The following NLRP12 variants were observed in gnomAD, a reference collection of about 807,000 sequenced individuals.
NLRP12 encodes the protein NACHT, LRR and PYD domains-containing protein 12.
In NLRP12, 108 loss-of-function variants were observed where a neutral mutation model predicts 91.2. That is an observed-to-expected ratio of 1.18 (90% confidence interval 1.01 to 1.39). NLRP12 has a LOEUF of 1.39. Ranked by LOEUF, NLRP12 falls within the 40% of genes most tolerant of loss-of-function variation. The pLI, the probability that NLRP12 is intolerant of heterozygous loss-of-function variation, is 0.00. For missense variants in NLRP12, 1,530 were observed against 1,352.7 expected, an observed-to-expected ratio of 1.13 and a Z score of -2.06; for synonymous variants, 613 against 566.7, an observed-to-expected ratio of 1.08 and a Z score of -1.16.
intron 7 of NLRP12, among the ~76,000 whole-genome samples, chr19:53,799,773 G>A (rs190200298): frequency 7.4e-4 from 113 of 151,956 alleles, no homozygotes; most frequent in African/African-American, 1.6e-3. Context: ...GTGAGCCACC[G>A]CATCCTGCCT....
intron 2 of NLRP12, 70 bp from the exon 3 acceptor site, chr19:53,811,358 G>T (rs973646311): frequency 1.8e-5 from 28 of 1,560,054 alleles, no homozygotes; most frequent in Non-Finnish European, 2.2e-5. Context: ...GAGGTAAAGC[G>T]CTCCTCATGT....
At chr19:53,798,437 G>C (rs372605310) in intron 7 of NLRP12, 24 bp from the exon 8 acceptor site, 2 of 1,608,368 alleles carry the variant, frequency 1.2e-6, no homozygotes, top group Non-Finnish European at 1.7e-6. Flanking sequence ...ATGCTAGGGC[G>C]GAGTGGGAGG....
chr19:53,813,306 T>TTC (rs1420078482), intron 2 of NLRP12, among the ~76,000 whole-genome samples: 13 of 94,882 alleles, frequency 1.4e-4, no homozygotes, highest in African/African-American at 4.7e-4. Flanking sequence ...TTTCTTTTTT[T>TTC]TTTTTTTTTT....
Position 53,810,494 on chromosome 19 carries a change from T to C in NLRP12, c.1165A>G (p.Asn389Asp). ...HNAEQAGQVF[N>D]YVRDNEPLFT... ...AGAGGCTCGTTGTCCCTCACGTAATTGAAGACTTGGCCCGCCTGCTCTGCA... is the reference window on the plus strand; with the variant it reads ...AGAGGCTCGTTGTCCCTCACGTAATCGAAGACTTGGCCCGCCTGCTCTGCA... The change falls in exon 3 of 10, where the codon AAT becomes GAT. Residue 389 changes from asparagine (N) to aspartate (D), a missense_variant. Coordinates refer to ENST00000324134, the MANE Select transcript of NLRP12 (RefSeq NM_144687.4). 6.2e-7 allele frequency: 1 copy of C among 1,614,078 alleles called. No homozygotes were observed. Among genetic ancestry groups the C allele is most frequent in the South Asian group, 1.1e-5 (1 of 91,078 alleles).
chr19:53,793,856 A>G lies in NLRP12; in HGVS notation c.*193T>C, dbSNP rs180951799. ...TGCCTCGGCCTCTCGAAGTGCTAGG[A>G]TTACATACATGAGCCACCACGCCTG... is the stretch of plus-strand genomic sequence containing the variant. On this transcript the variant is annotated 3_prime_UTR_variant, in exon 10 of 10. Coordinates refer to ENST00000324134, the MANE Select transcript of NLRP12 (RefSeq NM_144687.4). 1.3e-4 allele frequency: 85 copies of G among 673,426 alleles called. No individual in the cohort carries two copies. The African/African-American group carries it at 1.4e-3, about 11-fold the overall frequency. The allele number at this position is 673,426 out of a possible 1,614,324, so 41.7% of individuals were successfully genotyped here.
In NLRP12 at chr19:53,809,832, G is replaced by A; in HGVS notation, c.1827C>T (p.Gly609=). 2 of 1,614,136 alleles carry A rather than the reference G, an allele frequency of 1.2e-6. No individual in the cohort carries two copies. The highest frequency in any genetic ancestry group is 2.2e-5 in the East Asian group (1 of 44,850). ...ACAAGCAGCTGAAGAACTCCAAGGA[G>A]CCCTGCTGCAGGGTGGAGCCGTCGC... is the stretch of plus-strand genomic sequence containing the variant. ...AQSDGSTLQQ[G]SLEFFSCLYE... Residue 609 remains glycine, a synonymous_variant, in exon 3 of 10, where the codon GGC becomes GGT. Coordinates refer to ENST00000324134, the MANE Select transcript of NLRP12 (RefSeq NM_144687.4).
intron 4 of NLRP12, 129 bp downstream of exon 4, chr19:53,807,366 C>T: frequency 1.1e-6 from 1 of 925,314 alleles, no homozygotes; most frequent in Non-Finnish European, 1.7e-6. Context: ...CGGCACCTGG[C>T]TTTGTGACAC....
rs754512228 is a variant in NLRP12 at position 53,819,410 on chromosome 19, AATATATAT to A, written c.290-4430_290-4423del. ...CAGGCGTGTGCCACTACGCCTGGCTAATATATATATATATATATATATATATATATATA... is the reference window on the plus strand; with the variant it reads ...CAGGCGTGTGCCACTACGCCTGGCTAATATATATATATATATATATATATA... On this transcript the variant is annotated intron_variant, in intron 1 of 9. Coordinates refer to ENST00000324134, the MANE Select transcript of NLRP12 (RefSeq NM_144687.4). 9.0e-3 allele frequency among the ~76,000 whole-genome samples: 212 copies of A among 23,646 alleles called. 12 individuals are homozygous for A. Among genetic ancestry groups the A allele is most frequent in the South Asian group, 0.013 (9 of 678 alleles). 15.5% of individuals were successfully genotyped at this position (23,646 alleles called of 152,430 possible).
Position 53,795,946 on chromosome 19 carries a change from TA to T in NLRP12, c.3010del (p.Tyr1004ThrfsTer2). 6.2e-7 allele frequency: 1 copy of T among 1,614,052 alleles called. No homozygotes were observed. The highest frequency in any genetic ancestry group is 1.3e-5 in the African/African-American group (1 of 75,024). ...LGINQTLTDL[Y>X]LTNNALGDTG... ...GTCCCCTAGGGCGTTGTTGGTCAGGTAAAGGTCGGTCAAGGTCTGGTTGATC... is the reference window on the plus strand; with the variant it reads ...GTCCCCTAGGGCGTTGTTGGTCAGGTAAGGTCGGTCAAGGTCTGGTTGATC... On this transcript the variant is annotated frameshift_variant, in exon 9 of 10. Transcript: ENST00000324134. LOFTEE classifies it high-confidence loss of function.
rs2122811865 is a variant in NLRP12 at position 53,823,986 on chromosome 19, G to A, written c.189C>T (p.His63=). The change falls in exon 1 of 10, where the codon CAC becomes CAT. Residue 63 remains histidine, a synonymous_variant. Transcript: ENST00000324134. ...ACCTCCAGGCCTCCTCTGGCCCGAA[G>A]TGGGTGATGAGCAGCTGGGCCATTT... ...PLEMAQLLIT[H]FGPEEAWRLA... The A allele has an allele frequency of 6.2e-7, 1 of 1,614,202 alleles. No individual in the cohort carries two copies. The highest frequency in any genetic ancestry group is 8.5e-7 in the Non-Finnish European group (1 of 1,180,044).
intron 3 of NLRP12, 65 bp from the exon 4 acceptor site, chr19:53,807,730 T>C: frequency 6.4e-7 from 1 of 1,568,914 alleles, no homozygotes; most frequent in Non-Finnish European, 8.8e-7. Flanking sequence ...GGCCTTTGCA[T>C]GTCATTTCAC....
At chr19:53,796,438 AG>A (rs1470985006) in intron 8 of NLRP12, among the ~76,000 whole-genome samples, 1 of 151,332 alleles carries the variant, frequency 6.6e-6, no homozygotes, top group Non-Finnish European at 1.5e-5. Flanking sequence ...TAGTAGAGAG[AG>A]GGTTTCACCT....
At chr19:53,819,105 T>C (rs2092207521) in intron 1 of NLRP12, among the ~76,000 whole-genome samples, 1 of 152,126 alleles carries the variant, frequency 6.6e-6, no homozygotes, top group Non-Finnish European at 1.5e-5. Context: ...GGGAGAGATT[T>C]AGGCGGAAGA....
chr19:53,813,515 G>A (rs147716562), intron 2 of NLRP12, among the ~76,000 whole-genome samples: 1,782 of 151,432 alleles, frequency 0.012, 27 homozygotes, highest in Non-Finnish European at 0.02. Flanking sequence ...TGTTAGCCAG[G>A]ATGGTCTCGA....
At chr19:53,811,368 T>G in intron 2 of NLRP12, 80 bp from the exon 3 acceptor site, 4 of 1,524,664 alleles carry the variant, frequency 2.6e-6, no homozygotes, top group Non-Finnish European at 3.6e-6. Context: ...GCTCCTCATG[T>G]GGCTCAAAGA....
intron 1 of NLRP12, among the ~76,000 whole-genome samples, chr19:53,818,495 A>G (rs903469590): frequency 2.0e-4 from 30 of 151,704 alleles, no homozygotes; most frequent in African/African-American, 6.3e-4. Flanking sequence ...GTGAAACCCC[A>G]TCTCTACTAT....
At chr19:53,795,099 G>A (rs945778115) in intron 9 of NLRP12, among the ~76,000 whole-genome samples, 3 of 133,398 alleles carry the variant, frequency 2.2e-5, no homozygotes, top group African/African-American at 8.1e-5. Flanking sequence ...CACCATACCT[G>A]GTGTGTGCGT....
At chr19:53,819,625 A>ATATATG (rs1460895775) in intron 1 of NLRP12, among the ~76,000 whole-genome samples, 1 of 73,568 alleles carries the variant, frequency 1.4e-5, no homozygotes, top group Non-Finnish European at 3.3e-5. Flanking sequence ...ATACGTATAT[A>ATATATG]CGCGTATATA....
At position 53,807,678 on chromosome 19, in the gene NLRP12, AAGAC is replaced by A. The variant is rs2091984199; in HGVS notation, c.2073-17_2073-14del. 3 of 1,613,948 alleles carry A rather than the reference AAGAC, an allele frequency of 1.9e-6. No homozygotes were observed. Among genetic ancestry groups the A allele is most frequent in the African/African-American group, 1.3e-5 (1 of 74,918 alleles). On this transcript the variant is annotated splice_polypyrimidine_tract_variant and intron_variant, in intron 3 of 9. Transcript: ENST00000324134. ...GGTCCTCTCTGGTCTGCTTGAAGGA[AAGAC>A]AGGCCACTCTCTGGTGTTACTGGTG...
Sources: gnomAD v4.1 joint callset for allele counts (sites outside exome capture counted in the v4.1 genomes callset) on GRCh38, gnomAD v4.1.1 for gene constraint, MANE v1.5 for transcripts, NCBI Gene and HGNC (gene_info 2026-07-23, HGNC 2026-07-21) for gene names.